The following TGFA variants were observed in gnomAD, a reference collection of about 807,000 sequenced individuals.
TGFA encodes the protein protransforming growth factor alpha.
Under a neutral mutation model 21.7 loss-of-function variants are expected in TGFA, and 12 were observed. That is an observed-to-expected ratio of 0.55 (90% CI 0.35 to 0.90). The LOEUF is 0.90. TGFA is among the 40% of genes least tolerant of loss of function. TGFA has a pLI of 0.01. For synonymous variants in TGFA, 79 were observed against 88.1 expected (o/e 0.90, Z 0.58); for missense variants, 178 against 210.8 (o/e 0.84, Z 0.96).
At chr2:70,507,321 T>C (rs936091606) in intron 2 of TGFA, among the ~76,000 whole-genome samples, 1 of 152,272 alleles carries the variant, frequency 6.6e-6, no homozygotes, top group African/African-American at 2.4e-5. Context: ...AATTCACATA[T>C]AGTCTCATTA....
chr2:70,479,896 C>T (rs1178370905), intron 2 of TGFA, among the ~76,000 whole-genome samples: 1 of 152,182 alleles, frequency 6.6e-6, no homozygotes, highest in East Asian at 1.9e-4. Flanking sequence ...GGAATAGAGG[C>T]ATTAGTTGAA....
intron 1 of TGFA, among the ~76,000 whole-genome samples, chr2:70,551,989 G>A (rs994413740): frequency 2.0e-4 from 31 of 152,156 alleles, no homozygotes; most frequent in Admixed American, 6.5e-4. Flanking sequence ...AATTTTTACC[G>A]AATAACCACC....
intron 1 of TGFA, among the ~76,000 whole-genome samples, chr2:70,529,584 T>C (rs1432492872): frequency 1.5e-5 from 2 of 130,596 alleles, no homozygotes; most frequent in Non-Finnish European, 3.2e-5. Flanking sequence ...TCCTGAGGAG[T>C]GAATCCCCCC....
rs116426159 is a variant in TGFA, at chr2:70,489,220, C to T, written c.95-23484G>A. Among the ~76,000 whole-genome samples, 488 of 152,310 alleles carry T rather than the reference C, an allele frequency of 3.2e-3. 6 individuals carry two copies. The highest frequency in any genetic ancestry group is 0.011 in the African/African-American group (458 of 41,558). On this transcript the variant is annotated intron_variant, in intron 2 of 5. Coordinates refer to ENST00000295400, the MANE Select transcript of TGFA (RefSeq NM_003236.4). ...GGCAGAGGCTCCCTGGGCAGGTGAG[C>T]GCCTTCTCCCACCAGCTGTTAGAAA... is the stretch of plus-strand genomic sequence containing the variant.
intron 1 of TGFA, among the ~76,000 whole-genome samples, chr2:70,537,235 A>C (rs1673000331): frequency 6.6e-6 from 1 of 151,976 alleles, no homozygotes. Flanking sequence ...CAGAACACAC[A>C]TTTATCAGTC....
chr2:70,553,367 G>A (rs1054934150), intron 1 of TGFA: 1 of 1,462,690 alleles, frequency 6.8e-7, no homozygotes. Context: ...AGCGACGCCG[G>A]CTGAGCCGGG....
intron 3 of TGFA, among the ~76,000 whole-genome samples, chr2:70,460,393 C>A (rs1337837988): frequency 2.1e-5 from 3 of 140,968 alleles, no homozygotes; most frequent in Admixed American, 7.0e-5. Flanking sequence ...AAAAAAAAAA[C>A]TTCCCAAGCT....
intron 1 of TGFA, among the ~76,000 whole-genome samples, chr2:70,515,872 C>T (rs1157040038): frequency 1.3e-5 from 2 of 152,176 alleles, no homozygotes; most frequent in Admixed American, 1.3e-4. Context: ...TATTGTCCCA[C>T]TGGACTTCAC....
intron 2 of TGFA, among the ~76,000 whole-genome samples, chr2:70,475,204 T>G (rs1670885854): frequency 6.6e-6 from 1 of 152,184 alleles, no homozygotes; most frequent in African/African-American, 2.4e-5. Context: ...TTTAACCCAA[T>G]GTAGAATTTT....
chr2:70,471,046 C>A lies in TGFA; in HGVS notation c.95-5310G>T, dbSNP rs921474236. ...GTAGAGAGAACCATGTAAGTATACACTGCACACGAACATGCACCTAAACTT... is the reference window on the plus strand; with the variant it reads ...GTAGAGAGAACCATGTAAGTATACAATGCACACGAACATGCACCTAAACTT... On this transcript the variant is annotated intron_variant, in intron 2 of 5. Coordinates refer to ENST00000295400, the MANE Select transcript of TGFA (RefSeq NM_003236.4). Among the ~76,000 whole-genome samples, 4 of 152,052 alleles carry A rather than the reference C, an allele frequency of 2.6e-5. No individual in the cohort carries two copies. In the East Asian group the frequency reaches 7.7e-4, roughly 29 times the overall value.
At chr2:70,492,193 GGAA>G (rs1553497776) in intron 2 of TGFA, among the ~76,000 whole-genome samples, 1 of 152,174 alleles carries the variant, frequency 6.6e-6, no homozygotes, top group Non-Finnish European at 1.5e-5. Context: ...GCTTGGGAAG[GGAA>G]GAAGAGAGAG....
At chr2:70,487,075 T>A (rs1671292608) in intron 2 of TGFA, among the ~76,000 whole-genome samples, 1 of 152,236 alleles carries the variant, frequency 6.6e-6, no homozygotes. Flanking sequence ...TTTCTTGTTT[T>A]TAATCACTTT....
intron 2 of TGFA, among the ~76,000 whole-genome samples, chr2:70,476,096 A>T (rs930271111): frequency 1.2e-4 from 18 of 146,698 alleles, no homozygotes; most frequent in African/African-American, 4.0e-4. Flanking sequence ...AAAAAAAAAA[A>T]AAAAAAAAAA....
At chr2:70,553,223 C>T in intron 1 of TGFA, 1 of 1,536,218 alleles carries the variant, frequency 6.5e-7, no homozygotes, top group Non-Finnish European at 8.7e-7. Context: ...TCGAGGGCGC[C>T]TCTGCCGATC....
intron 2 of TGFA, among the ~76,000 whole-genome samples, chr2:70,504,469 C>CATACATATATATATATATATATAT (rs1553499794): frequency 3.0e-4 from 24 of 80,642 alleles, no homozygotes; most frequent in East Asian, 1.2e-3. Context: ...TATATACACA[C>CATACATATATATATATATATATAT]ATACATACAT....
intron 1 of TGFA, among the ~76,000 whole-genome samples, chr2:70,544,343 A>G (rs1553505584): frequency 6.6e-6 from 1 of 151,814 alleles, no homozygotes; most frequent in African/African-American, 2.4e-5. Context: ...GATATTTAAT[A>G]AGAGATTAAA....
chr2:70,502,957 C>T (rs565993731), intron 2 of TGFA, among the ~76,000 whole-genome samples: 42 of 152,134 alleles, frequency 2.8e-4, no homozygotes, highest in South Asian at 1.2e-3. Context: ...AGATGGGGGA[C>T]GGAGGCACAG....
At chr2:70,532,778 G>A (rs905662125) in intron 1 of TGFA, among the ~76,000 whole-genome samples, 2 of 152,190 alleles carry the variant, frequency 1.3e-5, no homozygotes, top group Non-Finnish European at 2.9e-5. Flanking sequence ...TCCCCCAGAG[G>A]AGCCAAAAAC....
intron 1 of TGFA, among the ~76,000 whole-genome samples, chr2:70,516,476 G>A (rs1672281724): frequency 6.6e-6 from 1 of 152,204 alleles, no homozygotes; most frequent in African/African-American, 2.4e-5. Flanking sequence ...GGTCTGGCAT[G>A]GACCTCCGAA....
Sources: gnomAD v4.1 joint callset for allele counts (sites outside exome capture counted in the v4.1 genomes callset) on GRCh38, gnomAD v4.1.1 for gene constraint, MANE v1.5 for transcripts, NCBI Gene and HGNC (gene_info 2026-07-23, HGNC 2026-07-21) for gene names.